The following CDC42BPB variants were observed in gnomAD, a reference collection of about 807,000 sequenced individuals.
CDC42BPB encodes the protein CDC42 binding protein kinase beta, also known as serine/threonine-protein kinase MRCK beta.
CDC42BPB carries 37 observed loss-of-function variants against 214.9 expected under a neutral mutation model. The ratio of observed to expected loss-of-function variants is 0.17; its 90% CI spans 0.13 to 0.23. The LOEUF (loss-of-function observed/expected upper bound fraction) is 0.23. Ranked by LOEUF, CDC42BPB falls within the 10% of genes least tolerant of loss-of-function variation. The pLI is 1.00. For synonymous variants in CDC42BPB, 931 were observed against 884.0 expected (o/e 1.05, Z -0.94); for missense variants, 1,694 against 2,227.0 (o/e 0.76, Z 4.82).
intron 2 of CDC42BPB, among the ~76,000 whole-genome samples, chr14:103,009,359 C>T (rs552713105): frequency 2.0e-5 from 3 of 152,324 alleles, no homozygotes; most frequent in South Asian, 4.1e-4. Flanking sequence ...GCCGCGCATC[C>T]GCACCCCCAC....
At chr14:102,998,892 G>A (rs1394388917) in intron 5 of CDC42BPB, among the ~76,000 whole-genome samples, 1 of 152,004 alleles carries the variant, frequency 6.6e-6, no homozygotes, top group Non-Finnish European at 1.5e-5. Context: ...GTGAGCCCCA[G>A]GGAGCACAGG....
At position 102,943,063 on chromosome 14, in the gene CDC42BPB, G is replaced by A. The variant is rs946400750; in HGVS notation, c.4408+828C>T. Among the ~76,000 whole-genome samples, 2 of 152,182 alleles carry A rather than the reference G, an allele frequency of 1.3e-5. No homozygotes were observed. Among genetic ancestry groups the A allele is most frequent in the African/African-American group, 4.8e-5 (2 of 41,430 alleles). Reference sequence around the variant, plus strand: ...TTTTTTTGTATTTTTAGTAGAGATGGGGTTTCACCCTATTAGCCAGGATGG... The same window carrying A: ...TTTTTTTGTATTTTTAGTAGAGATGAGGTTTCACCCTATTAGCCAGGATGG... On this transcript the variant is annotated intron_variant, in intron 30 of 36. Coordinates refer to ENST00000361246, the MANE Select transcript of CDC42BPB (RefSeq NM_006035.4). The surrounding 1 kb of genome is among the most constrained non-coding windows in gnomAD (Gnocchi z 4.6).
At position 102,950,336 on chromosome 14, in the gene CDC42BPB, A is replaced by G; in HGVS notation, c.3309+130T>C. The G allele has an allele frequency of 3.2e-6, 4 of 1,249,528 alleles. No homozygotes were observed. The South Asian group carries it at 5.5e-5, about 17-fold the overall frequency. The allele number at this position is 1,249,528 out of a possible 1,614,324, so 77.4% of individuals were successfully genotyped here. Reference sequence around the variant, plus strand: ...TGATGGCCTCAGTGCCCAGGAGGGTAAGCCCCCTAGGACTGGCACCAGGGC... The same window carrying G: ...TGATGGCCTCAGTGCCCAGGAGGGTGAGCCCCCTAGGACTGGCACCAGGGC... On this transcript the variant is annotated intron_variant, in intron 25 of 36. Transcript: ENST00000361246.
chr14:103,054,199 T>C (rs1888812382), intron 1 of CDC42BPB, among the ~76,000 whole-genome samples: 1 of 152,190 alleles, frequency 6.6e-6, no homozygotes, highest in African/African-American at 2.4e-5. Flanking sequence ...GTTTACTACC[T>C]ATACTTTCCA....
Position 102,946,670 on chromosome 14 carries a change from G to C in CDC42BPB, c.3546C>G (p.Leu1182=). 1 of 1,612,714 alleles carries C rather than the reference G, an allele frequency of 6.2e-7. No homozygotes were observed. Among genetic ancestry groups the C allele is most frequent in the Non-Finnish European group, 8.5e-7 (1 of 1,179,938 alleles). ...IPCIFRVTAS[L]LGAPSKTSSL... is the part of the protein sequence containing the mutation. ...AGCTGGTCTTAGAAGGTGCACCTAA[G>C]AGAGAGGCCGTCACCTTCATGACAG... The change falls in exon 28 of 37, where the codon CTC becomes CTG. Residue 1182 remains leucine, a synonymous_variant. Coordinates refer to ENST00000361246, the MANE Select transcript of CDC42BPB (RefSeq NM_006035.4).
intron 21 of CDC42BPB, among the ~76,000 whole-genome samples, chr14:102,955,823 T>C (rs895408062): frequency 2.0e-5 from 3 of 152,238 alleles, no homozygotes; most frequent in African/African-American, 7.2e-5. Flanking sequence ...AGCTGTATTT[T>C]GTGTTCCACA....
intron 1 of CDC42BPB, among the ~76,000 whole-genome samples, chr14:103,026,552 A>C (rs1014618753): frequency 6.6e-6 from 1 of 151,764 alleles, no homozygotes; most frequent in Non-Finnish European, 1.5e-5. Flanking sequence ...TGAACAAAAA[A>C]ATGTTCAAAA....
chr14:103,028,685 C>T (rs1247673173), intron 1 of CDC42BPB, among the ~76,000 whole-genome samples: 1 of 152,214 alleles, frequency 6.6e-6, no homozygotes, highest in African/African-American at 2.4e-5. Context: ...AAGGTTCTTC[C>T]TACGTCACCT....
chr14:102,978,341 G>A (rs943027726), intron 8 of CDC42BPB, 136 bp from the exon 9 acceptor site: 58 of 1,493,546 alleles, frequency 3.9e-5, no homozygotes, highest in Non-Finnish European at 4.7e-5. Context: ...ATTCCATGGT[G>A]TCCTCTGCAG....
chr14:102,961,387 T>G (rs1449583225), intron 20 of CDC42BPB, among the ~76,000 whole-genome samples: 1 of 151,304 alleles, frequency 6.6e-6, no homozygotes, highest in Non-Finnish European at 1.5e-5. Context: ...CAGGCTGGAG[T>G]GCAGTGGCGA....
chr14:103,029,764 C>G (rs1887254307), intron 1 of CDC42BPB, among the ~76,000 whole-genome samples: 1 of 143,892 alleles, frequency 6.9e-6, no homozygotes, highest in Non-Finnish European at 1.5e-5. Flanking sequence ...GAGGCTGACG[C>G]AGGAGAATTG....
In CDC42BPB at chr14:102,940,313, T is replaced by G. The variant is rs747400742; in HGVS notation, c.4420A>C (p.Thr1474Pro). Residue 1474 changes from threonine (T) to proline (P), a missense_variant, in exon 31 of 37, where the codon ACC becomes CCC. This residue lies in a region of CDC42BPB where 567 missense variants were observed against 790.3 expected (regional missense o/e 0.72). Coordinates refer to ENST00000361246, the MANE Select transcript of CDC42BPB (RefSeq NM_006035.4). ...TACTCGCTGTACACCGTGACGTGGG[T>G]GGGGCTGCAACCTAGCGCAGACGGA... Reference protein sequence around the residue: ...AAPVACSCSPTHVTVYSEYGV... With the variant: ...AAPVACSCSPPHVTVYSEYGV... The G allele has an allele frequency of 4.4e-6, 7 of 1,573,046 alleles. No homozygotes were observed. Among genetic ancestry groups the G allele is most frequent in the Admixed American group, 1.9e-5 (1 of 53,372 alleles).
chr14:102,946,828 G>C, intron 27 of CDC42BPB, 144 bp from the exon 28 acceptor site: 1 of 1,449,320 alleles, frequency 6.9e-7, no homozygotes, highest in Non-Finnish European at 9.0e-7. Context: ...ACTCCACCTC[G>C]CTGGGCGCCT....
chr14:102,986,213 A>G (rs1224677031), intron 6 of CDC42BPB: 2 of 356,700 alleles, frequency 5.6e-6, no homozygotes, highest in Non-Finnish European at 1.0e-5. Context: ...GCATGCTTTT[A>G]GCCACCTTGG....
At chr14:102,934,162 C>A (rs1891524518) in intron 36 of CDC42BPB, 2 of 412,082 alleles carry the variant, frequency 4.9e-6, no homozygotes, top group Non-Finnish European at 7.2e-6. Flanking sequence ...TTTGGGAGGC[C>A]AAGGTGGGTG....
chr14:103,004,902 C>G lies in CDC42BPB; in HGVS notation c.352-879G>C, dbSNP rs1355288190. On this transcript the variant is annotated intron_variant, in intron 3 of 36. Transcript: ENST00000361246. This position sits in a 1 kb window ranked among gnomAD's most constrained non-coding sequence, Gnocchi z 5.3. ...AAAAAAAATGGCTGGTCACGGTGGCCCACACCTGTGGTCCCAGCAGTTTGG... is the reference window on the plus strand; with the variant it reads ...AAAAAAAATGGCTGGTCACGGTGGCGCACACCTGTGGTCCCAGCAGTTTGG... Among the ~76,000 whole-genome samples the G allele has an allele frequency of 6.6e-6, 1 of 151,628 alleles. No individual in the cohort carries two copies. Among genetic ancestry groups the G allele is most frequent in the Non-Finnish European group, 1.5e-5 (1 of 67,916 alleles).
At chr14:102,941,306 G>C in intron 30 of CDC42BPB, 2 of 985,446 alleles carry the variant, frequency 2.0e-6, no homozygotes, top group Non-Finnish European at 1.2e-6. Flanking sequence ...CCTGCATCAG[G>C]ACACACCTCA....
At chr14:102,935,026 A>G (rs965653567) in intron 36 of CDC42BPB, among the ~76,000 whole-genome samples, 5 of 151,864 alleles carry the variant, frequency 3.3e-5, no homozygotes, top group Non-Finnish European at 7.4e-5. Context: ...AAAAAAAAAA[A>G]AAAGAAAAAA....
At chr14:102,934,350 T>C (rs555322963) in intron 36 of CDC42BPB, among the ~76,000 whole-genome samples, 15 of 151,768 alleles carry the variant, frequency 9.9e-5, no homozygotes, top group Non-Finnish European at 1.3e-4. Context: ...CTGGCTAACA[T>C]GGTGAAACCC....
Sources: allele counts gnomAD v4.1 joint callset (sites outside exome capture counted in the v4.1 genomes callset), GRCh38; gene constraint gnomAD v4.1.1; regional missense constraint gnomAD v4.1.1; non-coding constraint Gnocchi (gnomAD v3.1); transcripts MANE v1.5; gene names NCBI Gene and HGNC (gene_info 2026-07-23, HGNC 2026-07-21).